The following KDM6B variants were observed in gnomAD, a reference collection of about 807,000 sequenced individuals.
The protein encoded by KDM6B is lysine-specific demethylase 6B.
KDM6B carries 22 observed loss-of-function variants against 150.4 expected under a neutral mutation model. The observed-to-expected ratio is 0.15, with a 90% CI of 0.10 to 0.21. KDM6B has a LOEUF of 0.21. Among genes scored for constraint, KDM6B ranks in the 10% least tolerant of loss-of-function variants. The pLI, the probability that KDM6B is intolerant of heterozygous loss-of-function variation, is 1.00. For synonymous variants in KDM6B, 1,148 were observed against 921.1 expected (o/e 1.25, Z -4.46); for missense variants, 1,984 against 2,234.3 (o/e 0.89, Z 2.26).
At position 7,847,312 on chromosome 17, in the gene KDM6B, A is replaced by G. The variant is rs1406375723; in HGVS notation, c.1117A>G (p.Ser373Gly). 1 of 1,607,178 alleles carries G rather than the reference A, an allele frequency of 6.2e-7. No homozygotes were observed. Among genetic ancestry groups the G allele is most frequent in the East Asian group, 2.2e-5 (1 of 44,760 alleles). Reference sequence around the variant, plus strand: ...AGTTCAGAGGTCGCGGATGGACTCCAGCGTTTCACCAGCAGCAACCACCGC... The same window carrying G: ...AGTTCAGAGGTCGCGGATGGACTCCGGCGTTTCACCAGCAGCAACCACCGC... ...SRVQRSRMDSSVSPAATTACV... is the reference protein window; with the variant it reads ...SRVQRSRMDSGVSPAATTACV... Residue 373 changes from serine (S) to glycine (G), a missense_variant, in exon 11 of 24, where the codon AGC becomes GGC. This residue lies in a region of KDM6B where 1,379 missense variants were observed against 1,275.6 expected (regional missense o/e 1.08). Coordinates refer to ENST00000448097, the MANE Select transcript of KDM6B (RefSeq NM_001348716.2).
chr17:7,847,821 C>A lies in KDM6B; in HGVS notation c.1533C>A (p.Pro511=), dbSNP rs2078593203. 1 of 1,541,786 alleles carries A rather than the reference C, an allele frequency of 6.5e-7. No homozygotes were observed. Among genetic ancestry groups the A allele is most frequent in the Non-Finnish European group, 8.8e-7 (1 of 1,141,172 alleles). Residue 511 remains proline, a synonymous_variant, in exon 12 of 24, where the codon CCC becomes CCA. Transcript: ENST00000448097. ...AGCTCTTCTTTGGGACTGAGGGACC[C>A]CCCCGCCCTGCCCCACCACCCCTCC... is the stretch of plus-strand genomic sequence containing the variant. ...LEELFFGTEG[P]PRPAPPPLPH...
At position 7,848,841 on chromosome 17, in the gene KDM6B, C is replaced by T. The variant is rs1309160915; in HGVS notation, c.2553C>T (p.Thr851=). 1.2e-6 allele frequency: 2 copies of T among 1,612,234 alleles called. No homozygotes were observed. The highest frequency in any genetic ancestry group is 1.3e-5 in the African/African-American group (1 of 74,934). Residue 851 remains threonine (T), a synonymous_variant, in exon 12 of 24, where the codon ACC becomes ACT. Coordinates refer to ENST00000448097, the MANE Select transcript of KDM6B (RefSeq NM_001348716.2). ...CAGGTGCTACCGCCCTGCCGCCCAC[C>T]TCAGCGGCCCCTAGCGCCCAGGGCT... is the stretch of plus-strand genomic sequence containing the variant. ...PPSGATALPP[T]SAAPSAQGSP... is the part of the protein sequence containing the mutation.
chr17:7,840,183 G>A (rs774761905), intron 2 of KDM6B, 159 bp downstream of exon 2: 1 of 152,456 alleles, frequency 6.6e-6, no homozygotes, highest in Non-Finnish European at 1.5e-5. Flanking sequence ...CAGCCCTCCT[G>A]GTTTATGGAC....
rs28579270 is a variant in KDM6B, at chr17:7,849,207, G to A, written c.2919G>A (p.Lys973=). ...TGGCGGCAGTGTCAGGCAGCTGTAA[G>A]CGGCGACAGAAGGAGCATCAGAAGG... is the stretch of plus-strand genomic sequence containing the variant. ...GGVAAVSGSC[K]RRQKEHQKEH... The change falls in exon 12 of 24, where the codon AAG becomes AAA. Residue 973 remains lysine (K), a synonymous_variant. Transcript: ENST00000448097. The A allele has an allele frequency of 6.3e-6, 10 of 1,598,468 alleles. No homozygotes were observed. Among genetic ancestry groups the A allele is most frequent in the South Asian group, 3.3e-5 (3 of 89,558 alleles).
At position 7,848,202 on chromosome 17, in the gene KDM6B, C is replaced by G. The variant is rs780722788; in HGVS notation, c.1914C>G (p.Pro638=). ...CCAGGGTCTCCTTCCCAAAGACCCC[C>G]GAGGTGGGGCCGGGGCCACCCCCAG... The part of the protein sequence containing the change: ...PRPRVSFPKT[P]EVGPGPPPGP... The change falls in exon 12 of 24, where the codon CCC becomes CCG. Residue 638 remains proline (P), a synonymous_variant. Coordinates refer to ENST00000448097, the MANE Select transcript of KDM6B (RefSeq NM_001348716.2). 6.2e-7 allele frequency: 1 copy of G among 1,611,360 alleles called. No individual in the cohort carries two copies. The highest frequency in any genetic ancestry group is 1.1e-5 in the South Asian group (1 of 91,070).
Position 7,846,889 on chromosome 17 carries a change from C to CACCACCACG in KDM6B, c.790_791insGACCACCAC (p.Pro263_Pro264insArgProPro). 1 of 1,601,004 alleles carries CACCACCACG rather than the reference C, an allele frequency of 6.2e-7. No individual in the cohort carries two copies. The highest frequency in any genetic ancestry group is 8.5e-7 in the Non-Finnish European group (1 of 1,177,218). On this transcript the variant is annotated inframe_insertion, in exon 10 of 24. Transcript: ENST00000448097. ...CCACCACCACCACCACCACCACCACCACCACCACCCCTGCCTGGCCTGGCT... is the reference window on the plus strand; with the variant it reads ...CCACCACCACCACCACCACCACCACCACCACCACGACCACCACCCCTGCCTGGCCTGGCT...
At chr17:7,836,742 A>C (rs1597815849) in intron 1 of KDM6B, among the ~76,000 whole-genome samples, 1 of 152,168 alleles carries the variant, frequency 6.6e-6, no homozygotes, top group Non-Finnish European at 1.5e-5. Context: ...GTTTCTTCTT[A>C]TGTCTCCTTT....
Position 7,847,575 on chromosome 17 carries a change from G to A in KDM6B, c.1287G>A (p.Ala429=), listed in dbSNP as rs774272187. Residue 429 remains alanine, a synonymous_variant, in exon 12 of 24, where the codon GCG becomes GCA. Transcript: ENST00000448097. Reference sequence around the variant, plus strand: ...GCGCTGACCATTACCAAACTCCCGCGCTGGAGGTCTCTCACCATGGCCGCC... The same window carrying A: ...GCGCTGACCATTACCAAACTCCCGCACTGGAGGTCTCTCACCATGGCCGCC... ...IPGADHYQTP[A]LEVSHHGRLG... is the part of the protein sequence containing the mutation. The A allele has an allele frequency of 1.9e-6, 3 of 1,613,168 alleles. No individual in the cohort carries two copies. Among genetic ancestry groups the A allele is most frequent in the Admixed American group, 1.7e-5 (1 of 59,982 alleles).
At position 7,846,616 on chromosome 17, in the gene KDM6B, C is replaced by T. The variant is rs199557636; in HGVS notation, c.587C>T (p.Pro196Leu). Residue 196 changes from proline (P) to leucine (L), a missense_variant, in exon 9 of 24, where the codon CCG becomes CTG. This residue lies in a region of KDM6B where 337 missense variants were observed against 323.9 expected (regional missense o/e 1.04). Transcript: ENST00000448097. ...RNYGAKRGGP[P>L]VKRAAEPPVV... ...TATGGAGCCAAGCGGGGAGGTCCCC[C>T]GGTGAAGCGAGCTGCTGAACCCCCA... 91 of 1,614,124 alleles carry T rather than the reference C, an allele frequency of 5.6e-5. No individual in the cohort carries two copies. The highest frequency in any genetic ancestry group is 1.5e-4 in the South Asian group (14 of 91,088).
At chr17:7,841,238 A>C (rs532246836) in intron 2 of KDM6B, among the ~76,000 whole-genome samples, 1 of 152,330 alleles carries the variant, frequency 6.6e-6, no homozygotes, top group South Asian at 2.1e-4. Flanking sequence ...TTATCACCAC[A>C]GTGGGAGCCA....
In KDM6B at chr17:7,848,074, GACCCAC is replaced by G. The variant is rs781310156; in HGVS notation, c.1787_1792del (p.Asp596_Pro598delinsAla). 2.5e-6 allele frequency: 4 copies of G among 1,611,826 alleles called. No homozygotes were observed. The African/African-American group carries it at 5.4e-5, about 22-fold the overall frequency. ...TCCCAGCCCAGCACAGAACCCCCAG[GACCCAC>G]CTCTTGTACCCCTGACTCTTGCCCT... On this transcript the variant is annotated inframe_deletion, in exon 12 of 24. Transcript: ENST00000448097.
At chr17:7,840,760 T>C (rs1186880673) in intron 2 of KDM6B, 1 of 152,260 alleles carries the variant, frequency 6.6e-6, no homozygotes, top group Non-Finnish European at 1.5e-5. Flanking sequence ...ACTATTTTGC[T>C]TGATGTTTTG....
Position 7,850,985 on chromosome 17 carries a change from CT to C in KDM6B, c.3674-35del, listed in dbSNP as rs753256857. 1.0e-5 allele frequency: 16 copies of C among 1,548,948 alleles called. No individual in the cohort carries two copies. In the East Asian group the frequency reaches 3.9e-4, roughly 37 times the overall value. ...TGGGTCCTCGGTCCCTATCCTCTGCCTCTGCCCCGACACCCTGCTCGGCCCT... is the reference window on the plus strand; with the variant it reads ...TGGGTCCTCGGTCCCTATCCTCTGCCCTGCCCCGACACCCTGCTCGGCCCT... On this transcript the variant is annotated intron_variant, in intron 14 of 23. Transcript: ENST00000448097.
At chr17:7,852,940 C>T in intron 21 of KDM6B, 60 bp from the exon 22 acceptor site, 2 of 1,611,336 alleles carry the variant, frequency 1.2e-6, no homozygotes, top group Non-Finnish European at 1.7e-6. Context: ...GCCCTTGCTC[C>T]AGCCCTGCCT....
Position 7,848,044 on chromosome 17 carries a change from C to A in KDM6B, c.1756C>A (p.Arg586=), listed in dbSNP as rs371958615. 5 of 1,611,384 alleles carry A rather than the reference C, an allele frequency of 3.1e-6. No individual in the cohort carries two copies. Among genetic ancestry groups the A allele is most frequent in the Non-Finnish European group, 4.2e-6 (5 of 1,178,516 alleles). The change falls in exon 12 of 24, where the codon CGG becomes AGG. Residue 586 remains arginine (R), a synonymous_variant. Transcript: ENST00000448097. ...YLARSIDPLP[R]PPSPAQNPQD... is the part of the protein sequence containing the mutation. ...GGCCAGAAGTATAGACCCCCTTCCC[C>A]GGCCTCCCAGCCCAGCACAGAACCC...
At chr17:7,842,230 G>T (rs888854739) in intron 2 of KDM6B, among the ~76,000 whole-genome samples, 2 of 152,032 alleles carry the variant, frequency 1.3e-5, no homozygotes, top group African/African-American at 2.4e-5. Context: ...GGGGCGGGGG[G>T]TAGGGGGTCG....
chr17:7,842,624 C>A (rs1243160223), intron 2 of KDM6B, among the ~76,000 whole-genome samples: 1 of 152,092 alleles, frequency 6.6e-6, no homozygotes, highest in South Asian at 2.1e-4. Context: ...CAGGTGCAAG[C>A]GCCGCGTCGG....
Position 7,847,687 on chromosome 17 carries a change from TCACCCCCTC to T in KDM6B, c.1407_1415del (p.Pro470_Pro472del), listed in dbSNP as rs763820145. ...CCTATCCCTGCCACCTGGACCTTCC[TCACCCCCTC>T]CACCCCCCTGTCCCCGCCTCTTACG... On this transcript the variant is annotated inframe_deletion, in exon 12 of 24. Transcript: ENST00000448097. The T allele has an allele frequency of 3.2e-6, 5 of 1,573,798 alleles. No individual in the cohort carries two copies. The highest frequency in any genetic ancestry group is 4.3e-6 in the Non-Finnish European group (5 of 1,159,870).
rs1323624911 is a variant in KDM6B, at chr17:7,843,827, G to C, written c.-268-1074G>C. On this transcript the variant is annotated intron_variant, in intron 2 of 23. Transcript: ENST00000448097. This position sits in a 1 kb window ranked among gnomAD's most constrained non-coding sequence, Gnocchi z 4.5. The stretch of plus-strand genomic sequence containing the variant: ...GGCAAGGAGGAGGCGCGGGGACGCA[G>C]CTCCTGGGCTCAGAGAGGCGAGAAG... 1.3e-5 allele frequency among the ~76,000 whole-genome samples: 2 copies of C among 152,182 alleles called. No homozygotes were observed. The highest frequency in any genetic ancestry group is 3.9e-4 in the East Asian group (2 of 5,176).
Sources: gnomAD v4.1 joint callset for allele counts (sites outside exome capture counted in the v4.1 genomes callset) on GRCh38, gnomAD v4.1.1 for gene constraint, gnomAD v4.1.1 regional missense constraint, Gnocchi (gnomAD v3.1) non-coding constraint, MANE v1.5 for transcripts, NCBI Gene and HGNC (gene_info 2026-07-23, HGNC 2026-07-21) for gene names.